Variants in RIN3 observed in about 807,000 individuals in gnomAD.
RIN3 encodes the protein RAB5 interacting protein 3.
In RIN3, 54 loss-of-function variants were observed where a neutral mutation model predicts 76.3. The observed-to-expected ratio is 0.71, with a 90% CI of 0.57 to 0.89. The LOEUF is 0.89. Among genes scored for constraint, RIN3 ranks in the 40% least tolerant of loss-of-function variants. The probability of loss-of-function intolerance (pLI) is 0.00; values close to 1 mark genes in which losing one functional copy is unlikely to be tolerated. For missense variants in RIN3, 1,256 were observed against 1,322.1 expected, an observed-to-expected ratio of 0.95 and a Z score of 0.78; for synonymous variants, 576 against 564.0, an observed-to-expected ratio of 1.02 and a Z score of -0.30.
intron 3 of RIN3, among the ~76,000 whole-genome samples, chr14:92,609,696 A>G (rs1254766319): frequency 6.6e-6 from 1 of 152,152 alleles, no homozygotes; most frequent in Non-Finnish European, 1.5e-5. Context: ...TAGGGTTTTG[A>G]TCTGCTACTG....
intron 2 of RIN3, among the ~76,000 whole-genome samples, chr14:92,563,029 C>T (rs1897817575): frequency 6.6e-6 from 1 of 152,070 alleles, no homozygotes; most frequent in South Asian, 2.1e-4. Flanking sequence ...GGTGTGAGCC[C>T]AAGGAGTACC....
chr14:92,663,959 G>T (rs1595495776), intron 7 of RIN3, among the ~76,000 whole-genome samples: 1 of 152,196 alleles, frequency 6.6e-6, no homozygotes, highest in East Asian at 1.9e-4. Flanking sequence ...ATGGGGCTAG[G>T]AACGCCTCTC....
At chr14:92,674,940 G>A (rs930780252) in intron 7 of RIN3, among the ~76,000 whole-genome samples, 1 of 151,188 alleles carries the variant, frequency 6.6e-6, no homozygotes, top group East Asian at 1.9e-4. Context: ...TCCCCTGGAA[G>A]TGCTTGCCAT....
At chr14:92,649,675 C>A (rs1887338103) in intron 5 of RIN3, among the ~76,000 whole-genome samples, 1 of 152,230 alleles carries the variant, frequency 6.6e-6, no homozygotes, top group African/African-American at 2.4e-5. Context: ...CTGGCAGTCA[C>A]AAAGAGCAGC....
At chr14:92,616,817 G>A (rs1421774269) in intron 4 of RIN3, among the ~76,000 whole-genome samples, 2 of 152,132 alleles carry the variant, frequency 1.3e-5, no homozygotes, top group Non-Finnish European at 2.9e-5. Context: ...GGAACTTCAG[G>A]GGGTGGATAC....
rs201235572 is a variant in RIN3, at chr14:92,651,838, G to T, written c.789G>T (p.Pro263=). Residue 263 remains proline (P), a synonymous_variant, in exon 6 of 10, where the codon CCG becomes CCT. Coordinates refer to ENST00000216487, the MANE Select transcript of RIN3 (RefSeq NM_024832.5). ...GAAATTGCCCTGCACGCCCTTTGCCGCCCACCTCTGATGCCACCTCACCCA... is the reference window on the plus strand; with the variant it reads ...GAAATTGCCCTGCACGCCCTTTGCCTCCCACCTCTGATGCCACCTCACCCA... ...PLGNCPARPL[P]PTSDATSPTS... The T allele has an allele frequency of 6.2e-7, 1 of 1,611,438 alleles. No homozygotes were observed. Among genetic ancestry groups the T allele is most frequent in the Admixed American group, 1.7e-5 (1 of 59,892 alleles).
Position 92,682,133 on chromosome 14 carries a change from C to T in RIN3, c.2468-2854C>T, listed in dbSNP as rs149134258. ...AACTCCTGACCTCAAGTGATCCACC[C>T]GTCTCAGCCTCCCAAAGTGCTGAGA... On this transcript the variant is annotated intron_variant, in intron 8 of 9. Coordinates refer to ENST00000216487, the MANE Select transcript of RIN3 (RefSeq NM_024832.5). Among the ~76,000 whole-genome samples, 1,394 of 152,246 alleles carry T rather than the reference C, an allele frequency of 9.2e-3. 14 individuals are homozygous for T. Among genetic ancestry groups the T allele is most frequent in the Non-Finnish European group, 0.015 (990 of 68,004 alleles).
Position 92,688,323 on chromosome 14 carries a change from C to G in RIN3, c.*71C>G. 4.4e-6 allele frequency: 6 copies of G among 1,371,648 alleles called. No individual in the cohort carries two copies. Among genetic ancestry groups the G allele is most frequent in the Non-Finnish European group, 4.8e-6 (5 of 1,033,180 alleles). The allele number at this position is 1,371,648 out of a possible 1,614,324, so 85.0% of individuals were successfully genotyped here. ...CCCGCCTCTGGCTGCGCACTCCCGA[C>G]CGCGACGTCCACGCAGCAGAGGGAC... On this transcript the variant is annotated 3_prime_UTR_variant, in exon 10 of 10. Transcript: ENST00000216487.
chr14:92,673,034 C>T (rs572779244), intron 7 of RIN3, among the ~76,000 whole-genome samples: 4 of 152,038 alleles, frequency 2.6e-5, no homozygotes, highest in Admixed American at 6.6e-5. Flanking sequence ...TTTAATCCAG[C>T]GCTTTGGGAG....
intron 3 of RIN3, among the ~76,000 whole-genome samples, chr14:92,585,049 C>A (rs1884718873): frequency 6.6e-6 from 1 of 152,288 alleles, no homozygotes; most frequent in East Asian, 1.9e-4. Context: ...TTCTGTTGCC[C>A]AGGCTACAGT....
In RIN3 at chr14:92,652,349, C is replaced by T. The variant is rs748009972; in HGVS notation, c.1300C>T (p.Gln434Ter). Residue 434 changes from glutamine (Q) to a stop codon, truncating the protein, a stop_gained, in exon 6 of 10, where the codon CAG (glutamine) becomes TAG (stop). Transcript: ENST00000216487. LOFTEE classifies it high-confidence loss of function. The surrounding 1 kb of genome is among the most constrained non-coding windows in gnomAD (Gnocchi z 6.4). Reference protein sequence around the residue: ...DTPRESTEQGQDTEVKASDPH... With the variant: ...DTPRESTEQG Reference sequence around the variant, plus strand: ...GCCCCGGGAGAGCACGGAGCAAGGCCAGGACACAGAGGTGAAAGCCAGCGA... The same window carrying T: ...GCCCCGGGAGAGCACGGAGCAAGGCTAGGACACAGAGGTGAAAGCCAGCGA... The T allele has an allele frequency of 6.2e-7, 1 of 1,606,488 alleles. No homozygotes were observed. Among genetic ancestry groups the T allele is most frequent in the Non-Finnish European group, 8.5e-7 (1 of 1,175,664 alleles).
chr14:92,619,585 G>A (rs1265937688), intron 4 of RIN3, among the ~76,000 whole-genome samples: 4 of 151,714 alleles, frequency 2.6e-5, no homozygotes, highest in Non-Finnish European at 5.9e-5. Flanking sequence ...GACTACAAGC[G>A]CCTGGCTAAT....
chr14:92,554,774 T>C (rs1897531207), intron 1 of RIN3, among the ~76,000 whole-genome samples: 1 of 151,988 alleles, frequency 6.6e-6, no homozygotes, highest in South Asian at 2.1e-4. Context: ...AATACAAAAA[T>C]TAGCCGGGCA....
intron 1 of RIN3, among the ~76,000 whole-genome samples, chr14:92,545,752 T>C: frequency 6.6e-6 from 1 of 151,936 alleles, no homozygotes; most frequent in East Asian, 1.9e-4. Flanking sequence ...TAGCTTCTAA[T>C]TTTTTCTAAA....
chr14:92,596,220 G>A (rs1000471189), intron 3 of RIN3, among the ~76,000 whole-genome samples: 2 of 152,196 alleles, frequency 1.3e-5, no homozygotes, highest in African/African-American at 2.4e-5. Flanking sequence ...TACAAAAGTA[G>A]GATCCCCCAG....
chr14:92,590,537 C>G (rs958211789), intron 3 of RIN3, among the ~76,000 whole-genome samples: 2 of 152,182 alleles, frequency 1.3e-5, no homozygotes, highest in African/African-American at 4.8e-5. Flanking sequence ...TGAAAGCTCC[C>G]CAAGGTTTCA....
chr14:92,679,136 C>CA (rs1888578674), intron 8 of RIN3, among the ~76,000 whole-genome samples: 1 of 152,176 alleles, frequency 6.6e-6, no homozygotes, highest in Non-Finnish European at 1.5e-5. Flanking sequence ...AGCCAAAGTA[C>CA]AAAAAAAGTT....
chr14:92,676,340 A>G (rs1888459965), intron 7 of RIN3, 135 bp from the exon 8 acceptor site: 2 of 1,037,142 alleles, frequency 1.9e-6, no homozygotes, highest in Admixed American at 4.2e-5. Flanking sequence ...CCTGAGAGTC[A>G]TGAGAGAGCA....
rs1392141874 is a variant in RIN3 at position 92,675,570 on chromosome 14, G to A, written c.2336-905G>A. Among the ~76,000 whole-genome samples, 3 of 152,338 alleles carry A rather than the reference G, an allele frequency of 2.0e-5. No individual in the cohort carries two copies. In the East Asian group the frequency reaches 5.8e-4, roughly 29 times the overall value. The stretch of plus-strand genomic sequence containing the variant: ...CCCTTTGGTTAGAGGAAGTGAGAAG[G>A]TGGGCTGGGGACCAGGCGTGGCCAT... On this transcript the variant is annotated intron_variant, in intron 7 of 9. Transcript: ENST00000216487.
Sources: gnomAD v4.1 joint callset for allele counts (sites outside exome capture counted in the v4.1 genomes callset) on GRCh38, gnomAD v4.1.1 for gene constraint, Gnocchi (gnomAD v3.1) non-coding constraint, MANE v1.5 for transcripts, NCBI Gene and HGNC (gene_info 2026-07-23, HGNC 2026-07-21) for gene names.